The following RTTN variants were observed in gnomAD, a reference collection of about 807,000 sequenced individuals.
RTTN encodes the protein rotatin.
In RTTN, 182 loss-of-function variants were observed where a neutral mutation model predicts 269.2. That is an observed-to-expected ratio of 0.68 (90% CI 0.60 to 0.76). The LOEUF (loss-of-function observed/expected upper bound fraction) is 0.76, where lower values mean the gene tolerates loss of function less well. Among genes scored for constraint, RTTN ranks in the 30% least tolerant of loss-of-function variants. The pLI is 0.00. For missense variants in RTTN, 2,545 were observed against 2,608.6 expected, an observed-to-expected ratio of 0.98 and a Z score of 0.53; for synonymous variants, 1,006 against 963.5, an observed-to-expected ratio of 1.04 and a Z score of -0.82.
intron 7 of RTTN, among the ~76,000 whole-genome samples, chr18:70,196,070 A>C (rs2061798410): frequency 6.6e-6 from 1 of 152,200 alleles, no homozygotes; most frequent in African/African-American, 2.4e-5. Context: ...TTGCTGCAAC[A>C]CTTGACTACA....
chr18:70,150,141 C>A lies in RTTN; in HGVS notation c.2056-54G>T, dbSNP rs940292257. The A allele has an allele frequency of 1.2e-5, 12 of 982,762 alleles. No homozygotes were observed. The African/African-American group carries it at 1.8e-4, about 15-fold the overall frequency. 60.9% of individuals were successfully genotyped at this position (982,762 alleles called of 1,614,324 possible). The stretch of plus-strand genomic sequence containing the variant: ...AGTCAAATGAGATGTCCCGCTAGGT[C>A]ACCTGACACACCTGGAACATTTTAT... On this transcript the variant is annotated intron_variant, in intron 15 of 48. Coordinates refer to ENST00000640769, the MANE Select transcript of RTTN (RefSeq NM_173630.4).
At position 70,023,852 on chromosome 18, in the gene RTTN, G is replaced by A. The variant is rs565661717; in HGVS notation, c.5950+870C>T. Among the ~76,000 whole-genome samples, 13 of 152,130 alleles carry A rather than the reference G, an allele frequency of 8.5e-5. No homozygotes were observed. In the East Asian group the frequency reaches 1.4e-3, roughly 16 times the overall value. On this transcript the variant is annotated intron_variant, in intron 44 of 48. Transcript: ENST00000640769. ...GGCTGGAGTATAGTGGCGTGATCTC[G>A]GCTCACTGTAACCTCCGCTTCCTGG...
chr18:70,037,173 G>C (rs545601768), intron 40 of RTTN, among the ~76,000 whole-genome samples: 2 of 152,188 alleles, frequency 1.3e-5, no homozygotes, highest in African/African-American at 4.8e-5. Flanking sequence ...TGGGGTCCTA[G>C]GTAAACTTGA....
At chr18:70,065,270 TAA>T (rs61422284) in intron 35 of RTTN, among the ~76,000 whole-genome samples, 2 of 132,932 alleles carry the variant, frequency 1.5e-5, no homozygotes, top group African/African-American at 2.8e-5. Context: ...CTCTAGAATT[TAA>T]AAAAAAAAAA....
At chr18:70,176,874 A>AAAC in intron 10 of RTTN, 29 bp from the exon 11 acceptor site, 1 of 1,586,944 alleles carries the variant, frequency 6.3e-7, no homozygotes, top group South Asian at 1.2e-5. Context: ...CATGAAACAG[A>AAAC]AGAAAACAAC....
At chr18:70,119,083 G>A (rs1222109377) in intron 26 of RTTN, among the ~76,000 whole-genome samples, 1 of 152,026 alleles carries the variant, frequency 6.6e-6, no homozygotes, top group African/African-American at 2.4e-5. Flanking sequence ...CCTAGCCAGA[G>A]CAATTAGTAT....
In RTTN at chr18:70,065,835, C is replaced by A; in HGVS notation, c.4741G>T (p.Ala1581Ser). The A allele has an allele frequency of 6.3e-7, 1 of 1,588,320 alleles. No individual in the cohort carries two copies. Among genetic ancestry groups the A allele is most frequent in the Non-Finnish European group, 8.6e-7 (1 of 1,166,078 alleles). The change falls in exon 35 of 49, where the codon GCT becomes TCT. Residue 1581 changes from alanine to serine, a missense_variant. Ala to Ser is a moderately conservative substitution (Grantham distance 99). Coordinates refer to ENST00000640769, the MANE Select transcript of RTTN (RefSeq NM_173630.4). ...LPEASHDQFV[A>S]QGHQESTSPR... ...GTCTTCACTAAAAGGATACCTTGAG[C>A]CACAAACTGGTCATGGGAGGCTTCA...
At chr18:70,102,536 C>A (rs1365285850) in intron 28 of RTTN, among the ~76,000 whole-genome samples, 7 of 152,154 alleles carry the variant, frequency 4.6e-5, no homozygotes, top group African/African-American at 1.7e-4. Context: ...ACTTCCCAGT[C>A]TGTATCTTTT....
intron 39 of RTTN, among the ~76,000 whole-genome samples, chr18:70,050,839 G>A (rs1011285269): frequency 2.0e-5 from 3 of 152,150 alleles, no homozygotes; most frequent in Non-Finnish European, 4.4e-5. Context: ...ACCAAACACT[G>A]TGTGTTCTCA....
intron 36 of RTTN, 109 bp downstream of exon 36, chr18:70,059,741 G>T: frequency 1.4e-6 from 1 of 725,384 alleles, no homozygotes; most frequent in Non-Finnish European, 2.1e-6. Flanking sequence ...GCCTAAAAAA[G>T]AATAAAGCTG....
intron 27 of RTTN, among the ~76,000 whole-genome samples, chr18:70,113,237 CA>C (rs145289382): frequency 0.028 from 4,335 of 152,170 alleles, 230 homozygotes; most frequent in African/African-American, 0.099. Context: ...ACTAAATCCT[CA>C]AAGATGTTGA....
At chr18:70,138,643 C>T (rs924445578) in intron 21 of RTTN, 3 of 152,046 alleles carry the variant, frequency 2.0e-5, no homozygotes, top group African/African-American at 4.8e-5. Flanking sequence ...CTTATAAAAA[C>T]GTTATAGTCC....
At chr18:70,137,473 C>T (rs541364328) in intron 21 of RTTN, among the ~76,000 whole-genome samples, 1 of 152,194 alleles carries the variant, frequency 6.6e-6, no homozygotes, top group East Asian at 1.9e-4. Flanking sequence ...CTTCCTAAAA[C>T]ACATACTCCC....
chr18:70,065,343 G>A (rs2058104415), intron 35 of RTTN, among the ~76,000 whole-genome samples: 1 of 149,636 alleles, frequency 6.7e-6, no homozygotes, highest in Admixed American at 6.7e-5. Flanking sequence ...AGCACAAGGA[G>A]CAAAATTTAT....
chr18:70,158,591 T>C (rs1435434559), intron 14 of RTTN, among the ~76,000 whole-genome samples: 1 of 152,118 alleles, frequency 6.6e-6, no homozygotes, highest in African/African-American at 2.4e-5. Flanking sequence ...AATCCTCACA[T>C]ATCAATACTG....
chr18:70,166,350 G>T, intron 13 of RTTN, 162 bp from the exon 14 acceptor site: 1 of 583,286 alleles, frequency 1.7e-6, no homozygotes, highest in Non-Finnish European at 2.8e-6. Context: ...GCACTTATTT[G>T]TTTCAGGGCA....
chr18:70,008,721 AAAGG>A (rs2056275613), intron 46 of RTTN: 1 of 152,036 alleles, frequency 6.6e-6, no homozygotes, highest in Admixed American at 6.6e-5. Flanking sequence ...AAAAAAAAGA[AAAGG>A]AATGAACAAA....
At chr18:70,056,503 T>C (rs1353169285) in intron 37 of RTTN, among the ~76,000 whole-genome samples, 1 of 152,198 alleles carries the variant, frequency 6.6e-6, no homozygotes, top group East Asian at 1.9e-4. Context: ...CCCACAAGTA[T>C]CAAGTGAGCA....
At chr18:70,114,402 T>A in intron 27 of RTTN, 43 bp downstream of exon 27, 1 of 1,556,788 alleles carries the variant, frequency 6.4e-7, no homozygotes, top group Non-Finnish European at 8.7e-7. Context: ...AAAACTTGGG[T>A]TCTATATAAA....
Sources: allele counts gnomAD v4.1 joint callset (sites outside exome capture counted in the v4.1 genomes callset), GRCh38; gene constraint gnomAD v4.1.1; transcripts MANE v1.5; gene names NCBI Gene and HGNC (gene_info 2026-07-23, HGNC 2026-07-21).